Variants in NRG3 observed in about 807,000 individuals in gnomAD.
The protein encoded by NRG3 is neuregulin 3.
In NRG3, 31 loss-of-function variants were observed where a neutral mutation model predicts 66.9. The observed-to-expected ratio is 0.46, with a 90% CI of 0.35 to 0.63. NRG3 has a LOEUF of 0.63. Ranked by LOEUF, NRG3 falls within the 20% of genes least tolerant of loss-of-function variation. NRG3 has a pLI of 0.00. For synonymous variants in NRG3, 393 were observed against 359.4 expected (o/e 1.09, Z -1.06); for missense variants, 910 against 878.9 (o/e 1.04, Z -0.45).
At chr10:82,404,867 T>C (rs1218640142) in intron 2 of NRG3, among the ~76,000 whole-genome samples, 1 of 152,102 alleles carries the variant, frequency 6.6e-6, no homozygotes. Flanking sequence ...ATACTCCTCA[T>C]TTTGCCATTT....
At chr10:82,370,438 T>A (rs2084808693) in intron 2 of NRG3, among the ~76,000 whole-genome samples, 2 of 138,454 alleles carry the variant, frequency 1.4e-5, no homozygotes, top group Non-Finnish European at 3.0e-5. Flanking sequence ...TCTGCTGGTC[T>A]GCCCTGGAGC....
At chr10:82,814,190 T>A (rs139508733) in intron 3 of NRG3, among the ~76,000 whole-genome samples, 354 of 152,340 alleles carry the variant, frequency 2.3e-3, no homozygotes, top group African/African-American at 8.3e-3. Context: ...TTCAATTATG[T>A]CAGCATGTAG....
intron 2 of NRG3, among the ~76,000 whole-genome samples, chr10:82,464,738 G>A (rs990998059): frequency 2.6e-5 from 4 of 152,164 alleles, no homozygotes; most frequent in African/African-American, 9.7e-5. Flanking sequence ...AGGCAAATAG[G>A]AGCTGCATCA....
At chr10:82,796,590 G>A (rs1242515085) in intron 3 of NRG3, among the ~76,000 whole-genome samples, 4 of 152,098 alleles carry the variant, frequency 2.6e-5, no homozygotes, top group Non-Finnish European at 2.9e-5. Context: ...GAGAGAGAGG[G>A]GGAGGCAAAG....
intron 4 of NRG3, among the ~76,000 whole-genome samples, chr10:82,879,330 C>T (rs1204414614): frequency 1.3e-5 from 2 of 152,092 alleles, no homozygotes; most frequent in African/African-American, 4.8e-5. Flanking sequence ...ATGTCTAAAA[C>T]GTATAAGCAA....
chr10:82,013,418 T>C (rs1320404249), intron 1 of NRG3, among the ~76,000 whole-genome samples: 2 of 152,166 alleles, frequency 1.3e-5, no homozygotes, highest in African/African-American at 4.8e-5. Flanking sequence ...TAAACTTATA[T>C]GGCATATGAT....
At chr10:82,509,028 A>G (rs764419202) in intron 2 of NRG3, among the ~76,000 whole-genome samples, 1 of 152,142 alleles carries the variant, frequency 6.6e-6, no homozygotes, top group Admixed American at 6.5e-5. Flanking sequence ...CTCTTAATCT[A>G]TAGACCCACA....
At chr10:82,693,342 T>A (rs1317188180) in intron 2 of NRG3, among the ~76,000 whole-genome samples, 1 of 152,206 alleles carries the variant, frequency 6.6e-6, no homozygotes, top group Non-Finnish European at 1.5e-5. Context: ...TGGACGATGA[T>A]GATAATTGCA....
At chr10:82,714,381 G>T (rs2056852053) in intron 2 of NRG3, among the ~76,000 whole-genome samples, 1 of 152,170 alleles carries the variant, frequency 6.6e-6, no homozygotes, top group South Asian at 2.1e-4. Context: ...GTGAGCAGCT[G>T]CAGAAAGCAG....
intron 4 of NRG3, among the ~76,000 whole-genome samples, chr10:82,882,328 T>A (rs891548738): frequency 6.6e-6 from 1 of 152,182 alleles, no homozygotes; most frequent in African/African-American, 2.4e-5. Context: ...TCAAATCCCA[T>A]TGTCTAAATC....
intron 1 of NRG3, among the ~76,000 whole-genome samples, chr10:81,976,758 T>C (rs2133418830): frequency 6.6e-6 from 1 of 152,302 alleles, no homozygotes. Context: ...ACACAATTAT[T>C]TCTTTCTTGG....
rs560970760 is a variant in NRG3 at position 82,005,789 on chromosome 10, C to T, written c.823+129626C>T. On this transcript the variant is annotated intron_variant, in intron 1 of 8. Coordinates refer to ENST00000372141, the MANE Select transcript of NRG3 (RefSeq NM_001010848.4). ...CATGTTGTGCTGATTCACTAACGTACGCTTTCTTTCAGATTACTTTTACTA... is the reference window on the plus strand; with the variant it reads ...CATGTTGTGCTGATTCACTAACGTATGCTTTCTTTCAGATTACTTTTACTA... 3.3e-5 allele frequency among the ~76,000 whole-genome samples: 5 copies of T among 152,164 alleles called. No individual in the cohort carries two copies. The East Asian group carries it at 5.8e-4, about 18-fold the overall frequency.
At chr10:82,037,268 G>A (rs2062829858) in intron 1 of NRG3, among the ~76,000 whole-genome samples, 1 of 152,120 alleles carries the variant, frequency 6.6e-6, no homozygotes. Flanking sequence ...ACTAGGGCTG[G>A]CCAAACAGTC....
At chr10:82,490,775 C>T (rs1843025861) in intron 2 of NRG3, among the ~76,000 whole-genome samples, 1 of 152,114 alleles carries the variant, frequency 6.6e-6, no homozygotes, top group Non-Finnish European at 1.5e-5. Context: ...TCTCTCATCT[C>T]AAGAATCTGC....
chr10:82,753,244 G>A (rs1260900534), intron 3 of NRG3, among the ~76,000 whole-genome samples: 2 of 152,064 alleles, frequency 1.3e-5, no homozygotes, highest in Non-Finnish European at 2.9e-5. Context: ...TTTTTATGAT[G>A]AGTGACATGA....
At chr10:82,283,329 A>T (rs2134471299) in intron 1 of NRG3, among the ~76,000 whole-genome samples, 1 of 152,278 alleles carries the variant, frequency 6.6e-6, no homozygotes. Context: ...ACTATAATTG[A>T]GCAGCTTGAA....
chr10:82,671,706 TG>T (rs2053289941), intron 2 of NRG3, among the ~76,000 whole-genome samples: 1 of 152,230 alleles, frequency 6.6e-6, no homozygotes, highest in African/African-American at 2.4e-5. Flanking sequence ...GGTAAATACC[TG>T]ATTACAGAGA....
chr10:82,813,379 A>G (rs35437511), intron 3 of NRG3, among the ~76,000 whole-genome samples: 17,445 of 151,664 alleles, frequency 0.12, 1,103 homozygotes, highest in South Asian at 0.21. Flanking sequence ...ACACCTGGCT[A>G]ATTTTTGTAT....
intron 1 of NRG3, among the ~76,000 whole-genome samples, chr10:82,185,289 C>A (rs1052562550): frequency 1.3e-5 from 2 of 152,154 alleles, no homozygotes; most frequent in African/African-American, 4.8e-5. Flanking sequence ...AGATGCTAGA[C>A]TATCTGCCCA....
Sources: allele counts gnomAD v4.1 joint callset (sites outside exome capture counted in the v4.1 genomes callset), GRCh38; gene constraint gnomAD v4.1.1; transcripts MANE v1.5; gene names NCBI Gene and HGNC (gene_info 2026-07-23, HGNC 2026-07-21).